The following FGGY variants were observed in gnomAD, a reference collection of about 807,000 sequenced individuals.
The protein encoded by FGGY is FGGY carbohydrate kinase domain-containing protein.
FGGY carries 72 observed loss-of-function variants against 71.3 expected under a neutral mutation model. The observed-to-expected ratio is 1.01, with a 90% CI of 0.84 to 1.23. The LOEUF is 1.23. FGGY is among the 50% of genes most tolerant of loss of function. FGGY has a pLI of 0.00. For synonymous variants in FGGY, 251 were observed against 250.3 expected (o/e 1.00, Z -0.02); for missense variants, 668 against 682.3 (o/e 0.98, Z 0.23).
intron 4 of FGGY, among the ~76,000 whole-genome samples, chr1:59,373,258 C>T (rs2058035106): frequency 2.0e-5 from 3 of 152,120 alleles, no homozygotes; most frequent in Admixed American, 2.0e-4. Context: ...CATTCTTATA[C>T]ACCAATAACA....
intron 9 of FGGY, among the ~76,000 whole-genome samples, chr1:59,609,413 A>C (rs2096653680): frequency 6.6e-6 from 1 of 152,224 alleles, no homozygotes; most frequent in Non-Finnish European, 1.5e-5. Context: ...AGGCCTGAGG[A>C]CACATGGCCA....
chr1:59,629,920 T>C (rs1347414518), intron 10 of FGGY, among the ~76,000 whole-genome samples: 1 of 152,186 alleles, frequency 6.6e-6, no homozygotes, highest in East Asian at 1.9e-4. Context: ...TGATGATCAC[T>C]ACTACTCTGT....
At chr1:59,565,180 A>G (rs914800031) in intron 8 of FGGY, among the ~76,000 whole-genome samples, 6 of 152,212 alleles carry the variant, frequency 3.9e-5, no homozygotes, top group African/African-American at 1.4e-4. Context: ...TTTAACCCTC[A>G]TAATAACCTT....
chr1:59,616,277 C>T (rs2096752626), intron 9 of FGGY, among the ~76,000 whole-genome samples: 1 of 152,160 alleles, frequency 6.6e-6, no homozygotes, highest in Non-Finnish European at 1.5e-5. Flanking sequence ...AAATGTGGCA[C>T]ATATACACCA....
At chr1:59,725,543 G>A (rs2097936204) in intron 14 of FGGY, among the ~76,000 whole-genome samples, 1 of 151,978 alleles carries the variant, frequency 6.6e-6, no homozygotes, top group African/African-American at 2.4e-5. Context: ...TATTTCATCA[G>A]AGTTTTGTAA....
intron 6 of FGGY, among the ~76,000 whole-genome samples, chr1:59,496,109 C>G (rs747156873): frequency 2.0e-5 from 3 of 152,182 alleles, no homozygotes; most frequent in Non-Finnish European, 4.4e-5. Flanking sequence ...TTCCTCCTTT[C>G]CATGAGCATG....
chr1:59,337,932 A>G (rs976156816), intron 2 of FGGY, among the ~76,000 whole-genome samples: 2 of 152,184 alleles, frequency 1.3e-5, no homozygotes, highest in African/African-American at 4.8e-5. Flanking sequence ...TCCTTGCTTC[A>G]TTTCTGATGG....
At chr1:59,448,458 A>G (rs1257289993) in intron 5 of FGGY, among the ~76,000 whole-genome samples, 2 of 152,116 alleles carry the variant, frequency 1.3e-5, no homozygotes, top group African/African-American at 2.4e-5. Context: ...CATTGAGGTT[A>G]ATGGTCTATG....
intron 6 of FGGY, among the ~76,000 whole-genome samples, chr1:59,507,318 A>G (rs2094411545): frequency 6.6e-6 from 1 of 152,204 alleles, no homozygotes; most frequent in Non-Finnish European, 1.5e-5. Flanking sequence ...TTACAAATCC[A>G]GTTAAGTTAC....
At chr1:59,589,291 T>C (rs1223108833) in intron 8 of FGGY, among the ~76,000 whole-genome samples, 2 of 152,118 alleles carry the variant, frequency 1.3e-5, no homozygotes, top group African/African-American at 4.8e-5. Context: ...ATAATGCAAG[T>C]CCTGAGTGAC....
At chr1:59,526,771 G>A (rs999236784) in intron 7 of FGGY, among the ~76,000 whole-genome samples, 7 of 152,210 alleles carry the variant, frequency 4.6e-5, no homozygotes, top group Admixed American at 1.3e-4. Flanking sequence ...AGGCAGCCGG[G>A]AAGACGGAGC....
chr1:59,436,592 A>G (rs532554692), intron 5 of FGGY, among the ~76,000 whole-genome samples: 1 of 152,330 alleles, frequency 6.6e-6, no homozygotes, highest in African/African-American at 2.4e-5. Flanking sequence ...TAAATGAATA[A>G]ATTGCTGGAT....
At chr1:59,675,757 AG>A (rs1450826113) in intron 14 of FGGY, among the ~76,000 whole-genome samples, 9 of 152,174 alleles carry the variant, frequency 5.9e-5, no homozygotes, top group Non-Finnish European at 1.2e-4. Flanking sequence ...TAGTTAAAAC[AG>A]GGGGGATGCT....
intron 7 of FGGY, among the ~76,000 whole-genome samples, chr1:59,516,278 A>G (rs1403100834): frequency 6.6e-6 from 1 of 152,148 alleles, no homozygotes; most frequent in Non-Finnish European, 1.5e-5. Context: ...CATGGGTCCA[A>G]CTCTATATTA....
intron 4 of FGGY, among the ~76,000 whole-genome samples, chr1:59,372,200 G>A (rs942360146): frequency 6.6e-6 from 1 of 152,068 alleles, no homozygotes; most frequent in Non-Finnish European, 1.5e-5. Context: ...GAATCAAATA[G>A]ACGCAATTAA....
chr1:59,605,096 C>T (rs997580205), intron 8 of FGGY, among the ~76,000 whole-genome samples: 12 of 152,158 alleles, frequency 7.9e-5, no homozygotes, highest in Admixed American at 2.0e-4. Flanking sequence ...TGAATAATTT[C>T]CATGCATGTT....
intron 8 of FGGY, among the ~76,000 whole-genome samples, chr1:59,596,648 G>A (rs2096527760): frequency 6.6e-6 from 1 of 152,130 alleles, no homozygotes; most frequent in African/African-American, 2.4e-5. Context: ...AAGAATGTGT[G>A]TGAAACTGGC....
chr1:59,302,940 G>A (rs993382120), intron 1 of FGGY, among the ~76,000 whole-genome samples: 12 of 152,060 alleles, frequency 7.9e-5, no homozygotes, highest in East Asian at 7.7e-4. Flanking sequence ...ATACAAAGTC[G>A]TTTGATTACA....
intron 9 of FGGY, 85 bp from the exon 10 acceptor site, chr1:59,625,903 C>A: frequency 2.9e-6 from 3 of 1,029,014 alleles, no homozygotes; most frequent in South Asian, 1.9e-5. Context: ...TTGAAAGAAA[C>A]ATATACTCAT....
Sources: gnomAD v4.1 joint callset for allele counts (sites outside exome capture counted in the v4.1 genomes callset) on GRCh38, gnomAD v4.1.1 for gene constraint, MANE v1.5 for transcripts, NCBI Gene and HGNC (gene_info 2026-07-23, HGNC 2026-07-21) for gene names.